The following CAPS2 variants were observed in gnomAD, a reference collection of about 807,000 sequenced individuals.
The protein encoded by CAPS2 is calcyphosine 2, also known as calcyphosin-2.
In CAPS2, 98 loss-of-function variants were observed where a neutral mutation model predicts 86.5. The observed-to-expected ratio is 1.13, with a 90% CI of 0.96 to 1.34. The LOEUF (loss-of-function observed/expected upper bound fraction) is 1.34. Ranked by LOEUF, CAPS2 falls within the 40% of genes most tolerant of loss-of-function variation. The probability of loss-of-function intolerance (pLI) is 0.00; values close to 1 mark genes in which losing one functional copy is unlikely to be tolerated. For synonymous variants in CAPS2, 210 were observed against 225.1 expected (o/e 0.93, Z 0.60); for missense variants, 729 against 686.8 (o/e 1.06, Z -0.69).
intron 7 of CAPS2, among the ~76,000 whole-genome samples, chr12:75,308,765 G>C (rs1758106566): frequency 6.6e-6 from 1 of 151,886 alleles, no homozygotes; most frequent in Non-Finnish European, 1.5e-5. Context: ...AGGGGTGACT[G>C]AGCAAGAAGC....
At chr12:75,305,817 G>T in intron 7 of CAPS2, 1 of 736,788 alleles carries the variant, frequency 1.4e-6, no homozygotes, top group African/African-American at 1.7e-5. Flanking sequence ...TGATGGAGGG[G>T]CATATTCAGG....
chr12:75,312,977 A>T lies in CAPS2; in HGVS notation c.592-62T>A, dbSNP rs1293124226. The T allele has an allele frequency of 5.5e-6, 5 of 916,782 alleles. No homozygotes were observed. The African/African-American group carries it at 8.2e-5, about 15-fold the overall frequency. 56.8% of individuals were successfully genotyped at this position (916,782 alleles called of 1,614,324 possible). On this transcript the variant is annotated intron_variant, in intron 6 of 16. Coordinates refer to ENST00000393284, the Ensembl canonical transcript of CAPS2. ...AAAGCAGAACCATACAATACTTAAC[A>T]CAAAAGTTCTAAAACATAAATTAAA...
chr12:75,310,241 A>T (rs753736389), intron 7 of CAPS2, among the ~76,000 whole-genome samples: 1 of 152,244 alleles, frequency 6.6e-6, no homozygotes, highest in Non-Finnish European at 1.5e-5. Flanking sequence ...AGAAATGGTA[A>T]GAAGATACAA....
At chr12:75,335,236 A>AC (rs1415633556) in intron 1 of CAPS2, among the ~76,000 whole-genome samples, 2 of 151,880 alleles carry the variant, frequency 1.3e-5, no homozygotes, top group Non-Finnish European at 2.9e-5. Context: ...AGCAATTTCC[A>AC]CCCCCCACAA....
At chr12:75,280,693 A>C (rs2033788375) in intron 16 of CAPS2, among the ~76,000 whole-genome samples, 1 of 151,894 alleles carries the variant, frequency 6.6e-6, no homozygotes. Context: ...AAAAATTCTC[A>C]TAGAGTAGCT....
intron 16 of CAPS2, among the ~76,000 whole-genome samples, chr12:75,280,178 C>G (rs2033667775): frequency 6.6e-6 from 1 of 151,722 alleles, no homozygotes. Flanking sequence ...ATTACTTAAG[C>G]AAATTTAAGA....
At chr12:75,334,825 T>A, upstream of CAPS2, 4 of 1,614,138 alleles carry the variant, frequency 2.5e-6, no homozygotes, top group Non-Finnish European at 3.4e-6. Context: ...TGACCCACAC[T>A]TTATAGACAA....
At chr12:75,316,005 G>A (rs185728709) in intron 6 of CAPS2, among the ~76,000 whole-genome samples, 16 of 152,040 alleles carry the variant, frequency 1.1e-4, no homozygotes, top group Admixed American at 3.9e-4. Context: ...AAAATAACCA[G>A]GCTGCTTTTT....
At chr12:75,343,738 C>G (rs770408770) in intron 1 of CAPS2, 1 of 1,612,004 alleles carries the variant, frequency 6.2e-7, no homozygotes, top group Non-Finnish European at 8.5e-7. Flanking sequence ...ATGGGCAAAC[C>G]AGTGCAAATT....
chr12:75,381,598 A>T (rs1161780025), intron 1 of CAPS2, among the ~76,000 whole-genome samples: 25 of 76,692 alleles, frequency 3.3e-4, no homozygotes, highest in Admixed American at 6.8e-4. Flanking sequence ...TGCTGCTGTT[A>T]TTCATTTTCT....
exon 2 of CAPS2, chr12:75,325,251 G>C (rs1219944127): frequency 6.5e-7 from 1 of 1,549,030 alleles, no homozygotes; most frequent in African/African-American, 1.4e-5. Context: ...TGGTGGGCAA[G>C]AATTCTGGTT....
exon 17 of CAPS2, chr12:75,278,935 A>G (rs747552254): frequency 2.7e-5 from 43 of 1,603,866 alleles, no homozygotes; most frequent in East Asian, 4.5e-5. Flanking sequence ...AGTCTTCATC[A>G]TCTACTATTC....
intron 1 of CAPS2, among the ~76,000 whole-genome samples, chr12:75,350,114 T>C (rs904599534): frequency 6.6e-6 from 1 of 152,206 alleles, no homozygotes; most frequent in African/African-American, 2.4e-5. Context: ...GCACAGCCAC[T>C]GTGACAGTTT....
exon 2 of CAPS2, chr12:75,325,259 G>A (rs1363697580): frequency 2.6e-6 from 4 of 1,548,740 alleles, no homozygotes; most frequent in Non-Finnish European, 3.5e-6. Context: ...AAGAATTCTG[G>A]TTTGTCCATG....
intron 1 of CAPS2, chr12:75,343,569 C>T (rs2042256495): frequency 1.3e-6 from 1 of 743,030 alleles, no homozygotes; most frequent in Non-Finnish European, 2.1e-6. Context: ...ATAATAAATA[C>T]CAAAGAAAAA....
chr12:75,381,810 T>C (rs1453414845), intron 1 of CAPS2, among the ~76,000 whole-genome samples: 1 of 152,038 alleles, frequency 6.6e-6, no homozygotes, highest in Non-Finnish European at 1.5e-5. Flanking sequence ...AGACAGGGTT[T>C]CACCATGTTG....
intron 1 of CAPS2, among the ~76,000 whole-genome samples, chr12:75,335,486 ATTG>A (rs1471072307): frequency 1.3e-5 from 2 of 152,218 alleles, no homozygotes; most frequent in African/African-American, 2.4e-5. Context: ...TTTCCCTTGC[ATTG>A]TAACTTTTTC....
chr12:75,343,193 T>C (rs1422167944), intron 1 of CAPS2, among the ~76,000 whole-genome samples: 1 of 152,068 alleles, frequency 6.6e-6, no homozygotes, highest in East Asian at 1.9e-4. Context: ...CAAGGGCAGA[T>C]ATCTTGTTTC....
At chr12:75,340,698 C>G (rs1254127055) in intron 1 of CAPS2, among the ~76,000 whole-genome samples, 1 of 150,382 alleles carries the variant, frequency 6.6e-6, no homozygotes, top group Non-Finnish European at 1.5e-5. Context: ...AGAAAGAACT[C>G]CTATCTAGAG....
Sources: allele counts gnomAD v4.1 joint callset (sites outside exome capture counted in the v4.1 genomes callset), GRCh38; gene constraint gnomAD v4.1.1; transcripts MANE v1.5; gene names NCBI Gene and HGNC (gene_info 2026-07-23, HGNC 2026-07-21).